CFI: variants seen among roughly 807,000 people sequenced by gnomAD.
CFI encodes complement factor I.
In CFI, 66 loss-of-function variants were observed where a neutral mutation model predicts 78.8. The observed-to-expected ratio is 0.84, with a 90% CI of 0.69 to 1.03. The LOEUF (loss-of-function observed/expected upper bound fraction) is 1.03. Among genes scored for constraint, CFI ranks in the 50% least tolerant of loss-of-function variants. CFI has a pLI of 0.00. For missense variants in CFI, 706 were observed against 704.5 expected (o/e 1.00, Z -0.02); for synonymous variants, 250 against 232.6 (o/e 1.07, Z -0.68).
chr4:109,792,521 T>C (rs1731513517), intron 1 of CFI, among the ~76,000 whole-genome samples: 1 of 152,104 alleles, frequency 6.6e-6, no homozygotes, highest in Non-Finnish European at 1.5e-5. Context: ...GCCGATATCA[T>C]GCCACTGCAT....
chr4:109,733,535 G>T, the CFI span, among the ~76,000 whole-genome samples: 2 of 152,190 alleles, frequency 1.3e-5, no homozygotes, highest in African/African-American at 4.8e-5. Context: ...TCTAGGTATG[G>T]CATAAGTATG....
chr4:109,761,913 G>A (rs1727117935), intron 3 of CFI: 1 of 511,122 alleles, frequency 2.0e-6, no homozygotes, highest in Non-Finnish European at 3.5e-6. Flanking sequence ...AACTTGGCTG[G>A]GGGTGGTGGC....
At chr4:109,731,844 A>G in the CFI span, among the ~76,000 whole-genome samples, 1 of 152,240 alleles carries the variant, frequency 6.6e-6, no homozygotes, top group Non-Finnish European at 1.5e-5. Flanking sequence ...CTGTCTTCAC[A>G]AAATACCACA....
chr4:109,763,823 A>G (rs1727380159), intron 3 of CFI, among the ~76,000 whole-genome samples: 1 of 151,904 alleles, frequency 6.6e-6, no homozygotes, highest in Admixed American at 6.6e-5. Context: ...AAAATCAATA[A>G]CACAAAGTTA....
intron 1 of CFI, among the ~76,000 whole-genome samples, chr4:109,786,905 T>A (rs916284741): frequency 1.3e-5 from 2 of 152,150 alleles, no homozygotes; most frequent in Non-Finnish European, 2.9e-5. Context: ...AGTTCTTTAC[T>A]GTATGCTTTA....
chr4:109,767,836 T>C (rs1727977473), intron 1 of CFI, among the ~76,000 whole-genome samples: 1 of 152,064 alleles, frequency 6.6e-6, no homozygotes, highest in Non-Finnish European at 1.5e-5. Flanking sequence ...TGCACACGTA[T>C]GTTTATTGCG....
rs183923525 is a variant in CFI, at chr4:109,771,522, T to C, written c.58-4698A>G. ...CAGTTTGAGACCATTCTGGCCAACA[T>C]GATGAAACCCCATCTCTACTAAAAA... On this transcript the variant is annotated intron_variant, in intron 1 of 12. Coordinates refer to ENST00000394634, the MANE Select transcript of CFI (RefSeq NM_000204.5). 2.7e-3 allele frequency among the ~76,000 whole-genome samples: 399 copies of C among 149,208 alleles called. 1 individual carries two copies. The highest frequency in any genetic ancestry group is 4.4e-3 in the Non-Finnish European group (298 of 67,508).
intron 1 of CFI, among the ~76,000 whole-genome samples, chr4:109,780,962 A>G (rs1729937680): frequency 6.6e-6 from 1 of 152,186 alleles, no homozygotes; most frequent in Admixed American, 6.5e-5. Flanking sequence ...ACACTTGGAC[A>G]CAGGGTGGGG....
At chr4:109,768,347 A>AG (rs1553915969) in intron 1 of CFI, among the ~76,000 whole-genome samples, 13 of 150,972 alleles carry the variant, frequency 8.6e-5, no homozygotes, top group African/African-American at 2.9e-4. Context: ...AAAAAAAAAA[A>AG]AAAAAAGAAA....
rs79227718 is a variant in CFI, at chr4:109,786,823, A to G, written c.57+15092T>C. Among the ~76,000 whole-genome samples, 1,743 of 152,268 alleles carry G rather than the reference A, an allele frequency of 0.011. 87 individuals carry two copies. The East Asian group carries it at 0.13, about 11-fold the overall frequency. On this transcript the variant is annotated intron_variant, in intron 1 of 12. Coordinates refer to ENST00000394634, the MANE Select transcript of CFI (RefSeq NM_000204.5). ...ACACAAATAAACATTGAAGATCTGT[A>G]TAAATGTGAATATGATAATGATTTT...
chr4:109,776,605 T>A (rs1729275971), intron 1 of CFI, among the ~76,000 whole-genome samples: 1 of 152,060 alleles, frequency 6.6e-6, no homozygotes. Context: ...ACATTCAAAT[T>A]CAGGAAATAC....
chr4:109,756,385 AT>A (rs1726145504), intron 7 of CFI, among the ~76,000 whole-genome samples: 1 of 81,926 alleles, frequency 1.2e-5, no homozygotes, highest in Admixed American at 1.2e-4. Flanking sequence ...GAGGGAAGAG[AT>A]GGAAGAAGAA....
chr4:109,786,413 C>A (rs10030397), intron 1 of CFI, among the ~76,000 whole-genome samples: 4,291 of 152,046 alleles, frequency 0.028, 202 homozygotes, highest in African/African-American at 0.098. Flanking sequence ...AGGCAGGAGA[C>A]CAGTGAAACA....
intron 1 of CFI, among the ~76,000 whole-genome samples, chr4:109,789,754 A>G (rs756558597): frequency 1.3e-5 from 2 of 152,062 alleles, no homozygotes; most frequent in Admixed American, 1.3e-4. Context: ...TGGTGGGAAG[A>G]TAGTCTTCAT....
chr4:109,752,953 A>ATATATTT (rs1324361426), intron 7 of CFI, among the ~76,000 whole-genome samples: 1 of 63,438 alleles, frequency 1.6e-5, no homozygotes, highest in Non-Finnish European at 3.3e-5. Context: ...TATTTATAAT[A>ATATATTT]CATATTTATT....
intron 1 of CFI, among the ~76,000 whole-genome samples, chr4:109,789,858 T>C (rs1454727872): frequency 6.6e-6 from 1 of 152,114 alleles, no homozygotes; most frequent in African/African-American, 2.4e-5. Context: ...TCCCTCCTCT[T>C]TACCTTTTGA....
intron 9 of CFI, 88 bp downstream of exon 9, chr4:109,749,411 C>G: frequency 6.8e-7 from 1 of 1,480,916 alleles, no homozygotes; most frequent in Non-Finnish European, 9.4e-7. Flanking sequence ...CTCCCAGTCT[C>G]TTATAATTAC....
intron 1 of CFI, among the ~76,000 whole-genome samples, chr4:109,768,998 G>T (rs958831084): frequency 6.6e-6 from 1 of 151,908 alleles, no homozygotes; most frequent in African/African-American, 2.4e-5. Flanking sequence ...ATGGTTCCAC[G>T]TATCTCTTTT....
intron 2 of CFI, 148 bp downstream of exon 2, chr4:109,766,406 G>T: frequency 1.2e-6 from 1 of 840,474 alleles, no homozygotes; most frequent in Non-Finnish European, 1.9e-6. Flanking sequence ...GATTTGTTTA[G>T]TGATTACTCC....
Sources: allele counts gnomAD v4.1 joint callset (sites outside exome capture counted in the v4.1 genomes callset), GRCh38; gene constraint gnomAD v4.1.1; transcripts MANE v1.5; gene names NCBI Gene and HGNC (gene_info 2026-07-23, HGNC 2026-07-21).